GRB10: variants seen among roughly 807,000 people sequenced by gnomAD.
GRB10 encodes growth factor receptor bound protein 10, also known as growth factor receptor-bound protein 10.
GRB10 carries 20 observed loss-of-function variants against 80.9 expected under a neutral mutation model. That is an observed-to-expected ratio of 0.25 (90% confidence interval 0.17 to 0.36). The LOEUF (loss-of-function observed/expected upper bound fraction) is 0.36, where lower values mean the gene tolerates loss of function less well. Ranked by LOEUF, GRB10 falls within the 10% of genes least tolerant of loss-of-function variation. The probability of loss-of-function intolerance (pLI) is 1.00; values close to 1 mark genes in which losing one functional copy is unlikely to be tolerated. For missense variants in GRB10, 548 were observed against 747.7 expected (o/e 0.73, Z 3.12); for synonymous variants, 291 against 291.5 (o/e 1.00, Z 0.02).
intron 2 of GRB10, among the ~76,000 whole-genome samples, chr7:50,772,800 C>G (rs989833491): frequency 2.6e-5 from 4 of 152,146 alleles, no homozygotes; most frequent in Admixed American, 2.6e-4. Flanking sequence ...TAGGACACTA[C>G]GAAGACAGTG....
Position 50,616,384 on chromosome 7 carries a change from A to C in GRB10, c.847-37T>G, listed in dbSNP as rs201773796. 2,933 of 1,573,714 alleles carry C rather than the reference A, an allele frequency of 1.9e-3. 5 individuals are homozygous for C. Among genetic ancestry groups the C allele is most frequent in the Non-Finnish European group, 2.4e-3 (2,760 of 1,144,964 alleles). The stretch of plus-strand genomic sequence containing the variant: ...CAAATTTTTAAAATCACATAATGCT[A>C]ATCTAAAATAATTAAAGCAGACATG... On this transcript the variant is annotated intron_variant, in intron 10 of 18. Transcript: ENST00000401949.
chr7:50,692,776 G>GA (rs1307871267), intron 5 of GRB10, among the ~76,000 whole-genome samples: 2 of 152,114 alleles, frequency 1.3e-5, no homozygotes, highest in African/African-American at 2.4e-5. Flanking sequence ...GGGAGAAAGG[G>GA]AAAAATACAA....
intron 2 of GRB10, among the ~76,000 whole-genome samples, chr7:50,778,238 G>A (rs535971552): frequency 2.7e-4 from 41 of 152,286 alleles, no homozygotes; most frequent in South Asian, 6.2e-4. Flanking sequence ...GTGCCATAAA[G>A]AAACCAACTT....
At chr7:50,716,828 C>T (rs1484949413) in intron 4 of GRB10, among the ~76,000 whole-genome samples, 1 of 152,130 alleles carries the variant, frequency 6.6e-6, no homozygotes, top group Non-Finnish European at 1.5e-5. Context: ...TAGGAGCACC[C>T]TATGAAGACA....
chr7:50,610,403 G>A (rs752195079), intron 13 of GRB10, among the ~76,000 whole-genome samples: 1 of 152,210 alleles, frequency 6.6e-6, no homozygotes, highest in Non-Finnish European at 1.5e-5. Context: ...GTCAGGTCTG[G>A]CTCCCCAGCC....
At chr7:50,670,752 CTG>C (rs1253998361) in intron 6 of GRB10, among the ~76,000 whole-genome samples, 1 of 152,222 alleles carries the variant, frequency 6.6e-6, no homozygotes, top group African/African-American at 2.4e-5. Flanking sequence ...CAAGAAAAGG[CTG>C]TGTGTTCTCA....
At chr7:50,684,800 T>G (rs1199329283) in intron 5 of GRB10, among the ~76,000 whole-genome samples, 3 of 152,264 alleles carry the variant, frequency 2.0e-5, no homozygotes, top group Non-Finnish European at 4.4e-5. Flanking sequence ...CAAGTCTTCC[T>G]TAGCCATTTG....
chr7:50,791,741 C>G (rs530208051), intron 1 of GRB10, among the ~76,000 whole-genome samples: 4 of 152,338 alleles, frequency 2.6e-5, no homozygotes, highest in African/African-American at 9.6e-5. Flanking sequence ...CTGTGTTGCC[C>G]TTCTCTTTCA....
Position 50,623,285 on chromosome 7 carries a change from A to G in GRB10, c.661+3537T>C, listed in dbSNP as rs553518114. Among the ~76,000 whole-genome samples the G allele has an allele frequency of 1.4e-3, 211 of 152,360 alleles. 1 individual carries two copies. Among genetic ancestry groups the G allele is most frequent in the African/African-American group, 4.9e-3 (205 of 41,586 alleles). ...GGCAGTGCTAACATAGGAAGGGACC[A>G]TTTAAAGGGACAAGTGAACTGGGAA... On this transcript the variant is annotated intron_variant, in intron 8 of 18. Transcript: ENST00000401949.
intron 7 of GRB10, among the ~76,000 whole-genome samples, chr7:50,637,529 T>A (rs1165217115): frequency 6.6e-6 from 1 of 151,958 alleles, no homozygotes; most frequent in Non-Finnish European, 1.5e-5. Context: ...CTACAAACCC[T>A]CATGAAAGGA....
intron 4 of GRB10, among the ~76,000 whole-genome samples, chr7:50,713,645 C>G (rs2066306200): frequency 6.7e-6 from 1 of 149,278 alleles, no homozygotes; most frequent in African/African-American, 2.4e-5. Context: ...TCCACCTCCC[C>G]CATCACCTCC....
At chr7:50,625,845 T>C (rs185081458) in intron 8 of GRB10, among the ~76,000 whole-genome samples, 36 of 152,334 alleles carry the variant, frequency 2.4e-4, no homozygotes, top group Admixed American at 2.1e-3. Context: ...AATTGTATAA[T>C]ATTACCTGGA....
intron 9 of GRB10, among the ~76,000 whole-genome samples, 163 bp downstream of exon 9, chr7:50,619,007 G>T (rs893976589): frequency 6.6e-5 from 10 of 152,106 alleles, no homozygotes. Flanking sequence ...CATGAGACTG[G>T]GTTTCAAGCA....
intron 4 of GRB10, among the ~76,000 whole-genome samples, chr7:50,731,062 G>C (rs1246645717): frequency 1.3e-5 from 2 of 152,092 alleles, no homozygotes; most frequent in African/African-American, 4.8e-5. Context: ...TAATCAATGG[G>C]GGGAGGCAAC....
intron 7 of GRB10, among the ~76,000 whole-genome samples, chr7:50,662,677 G>A (rs2059398356): frequency 6.6e-6 from 1 of 152,226 alleles, no homozygotes; most frequent in African/African-American, 2.4e-5. Flanking sequence ...CAGGACCTTG[G>A]TTTCACCATA....
At chr7:50,626,360 C>A (rs1367887296) in intron 8 of GRB10, among the ~76,000 whole-genome samples, 1 of 152,228 alleles carries the variant, frequency 6.6e-6, no homozygotes, top group Non-Finnish European at 1.5e-5. Context: ...TCCCAGCGGA[C>A]CTCTCTGCAC....
rs144112527 is a variant in GRB10, at chr7:50,669,175, A to G, written c.504+547T>C. Among the ~76,000 whole-genome samples, 218 of 152,352 alleles carry G rather than the reference A, an allele frequency of 1.4e-3. 5 individuals carry two copies. In the East Asian group the frequency reaches 0.036, roughly 25 times the overall value. On this transcript the variant is annotated intron_variant, in intron 7 of 18. Transcript: ENST00000401949. ...TCATTGTTATTATTTGCCATTTTTT[A>G]TGAGACTTTTTCTAAAATATAAAGA...
intron 7 of GRB10, among the ~76,000 whole-genome samples, chr7:50,630,410 G>A (rs557362784): frequency 5.3e-5 from 8 of 152,258 alleles, no homozygotes; most frequent in Admixed American, 5.2e-4. Context: ...GCTATGACAT[G>A]GATTAATGAG....
intron 2 of GRB10, among the ~76,000 whole-genome samples, chr7:50,780,301 G>A (rs557781124): frequency 9.2e-5 from 14 of 152,266 alleles, no homozygotes; most frequent in African/African-American, 3.1e-4. Flanking sequence ...ACTACCAGAT[G>A]TGCCAAGTTA....
Sources: allele counts gnomAD v4.1 joint callset (sites outside exome capture counted in the v4.1 genomes callset), GRCh38; gene constraint gnomAD v4.1.1; transcripts MANE v1.5; gene names NCBI Gene and HGNC (gene_info 2026-07-23, HGNC 2026-07-21).